The following COL4A2 variants were observed in gnomAD, a reference collection of about 807,000 sequenced individuals.
COL4A2 encodes the protein collagen type IV alpha 2 chain.
A neutral mutation model predicts 200.2 loss-of-function variants in COL4A2; 99 were observed. The observed-to-expected ratio is 0.49, with a 90% CI of 0.42 to 0.58. The LOEUF (loss-of-function observed/expected upper bound fraction) is 0.58, where lower values mean the gene tolerates loss of function less well. COL4A2 is among the 20% of genes least tolerant of loss of function. The pLI, the probability that COL4A2 is intolerant of heterozygous loss-of-function variation, is 0.00. For synonymous variants in COL4A2, 897 were observed against 900.6 expected (o/e 1.00, Z 0.07); for missense variants, 1,950 against 2,314.1 (o/e 0.84, Z 3.23).
At chr13:110,373,049 G>A (rs1878084685) in intron 4 of COL4A2, among the ~76,000 whole-genome samples, 1 of 152,210 alleles carries the variant, frequency 6.6e-6, no homozygotes, top group African/African-American at 2.4e-5. Flanking sequence ...ATATTTCTCT[G>A]AGTTGGGATG....
At chr13:110,351,853 A>G (rs1325661752) in intron 3 of COL4A2, among the ~76,000 whole-genome samples, 1 of 152,168 alleles carries the variant, frequency 6.6e-6, no homozygotes, top group Non-Finnish European at 1.5e-5. Context: ...AACTCCTTCC[A>G]TGATTTGGAA....
intron 3 of COL4A2, among the ~76,000 whole-genome samples, chr13:110,334,740 T>C (rs1221606908): frequency 6.6e-5 from 10 of 152,216 alleles, no homozygotes; most frequent in Non-Finnish European, 1.5e-4. Flanking sequence ...TAACAATGCT[T>C]TGTTTATGCA....
intron 3 of COL4A2, among the ~76,000 whole-genome samples, chr13:110,341,906 G>C (rs888658363): frequency 6.6e-6 from 1 of 152,216 alleles, no homozygotes; most frequent in Non-Finnish European, 1.5e-5. Context: ...CCGCGTTTGT[G>C]GATGTTTATA....
chr13:110,478,011 G>A lies in COL4A2; in HGVS notation c.2434G>A (p.Gly812Arg). ...GTCTCTGATTCCTGCAGGAAGCCAA[G>A]GGATGCCTGGGATGCCAGGGCTGAA... ...RGPPGFRGSQ[G>R]MPGMPGLKGQ... is the part of the protein sequence containing the mutation. The change falls in exon 30 of 48, where the codon GGG (glycine) becomes AGG (arginine). Residue 812 changes from glycine (G) to arginine (R), a missense_variant. By Grantham distance (125) the Gly-to-Arg change is moderately radical. Coordinates refer to ENST00000360467, the MANE Select transcript of COL4A2 (RefSeq NM_001846.4). 1 of 1,565,720 alleles carries A rather than the reference G, an allele frequency of 6.4e-7. No individual in the cohort carries two copies. The highest frequency in any genetic ancestry group is 8.7e-7 in the Non-Finnish European group (1 of 1,153,058).
At chr13:110,446,739 A>G (rs1881340605) in intron 17 of COL4A2, 59 bp from the exon 18 acceptor site, 1 of 1,439,650 alleles carries the variant, frequency 6.9e-7, no homozygotes, top group Non-Finnish European at 9.7e-7. Context: ...AAATATGTGT[A>G]CTGTCAAAAA....
chr13:110,496,907 G>A (rs1883478591), intron 40 of COL4A2, among the ~76,000 whole-genome samples: 1 of 149,814 alleles, frequency 6.7e-6, no homozygotes, highest in South Asian at 2.1e-4. Flanking sequence ...GAGGATCTAG[G>A]GTCAGTCCAC....
chr13:110,426,205 T>C (rs1880467081), intron 6 of COL4A2, among the ~76,000 whole-genome samples: 1 of 152,218 alleles, frequency 6.6e-6, no homozygotes, highest in South Asian at 2.1e-4. Flanking sequence ...CTCTTTGGAG[T>C]GTCTTTCAGT....
In COL4A2 at chr13:110,362,659, CA is replaced by C. The variant is rs1877570066; in HGVS notation, c.180+5108del. Among the ~76,000 whole-genome samples, 3 of 152,258 alleles carry C rather than the reference CA, an allele frequency of 2.0e-5. No individual in the cohort carries two copies. In the South Asian group the frequency reaches 6.2e-4, roughly 32 times the overall value. On this transcript the variant is annotated intron_variant, in intron 4 of 47. Coordinates refer to ENST00000360467, the MANE Select transcript of COL4A2 (RefSeq NM_001846.4). ...CTCTTTTCAGTTTTCTTTCTTTATA[CA>C]CCATGGAGATGGAAGGCAGTTGAAT...
At chr13:110,344,233 T>C (rs1876601207) in intron 3 of COL4A2, among the ~76,000 whole-genome samples, 1 of 152,342 alleles carries the variant, frequency 6.6e-6, no homozygotes, top group Non-Finnish European at 1.5e-5. Flanking sequence ...GATGGCCTCT[T>C]GAACAAGAGT....
rs571190649 is a variant in COL4A2 at position 110,411,454 on chromosome 13, C to CT, written c.181-13276dup. Reference sequence around the variant, plus strand: ...AGCTCCAGGGGCCTCCTCTGCATACCTTTTGACCAGCATTGCTAAAAAGTA... The same window carrying CT: ...AGCTCCAGGGGCCTCCTCTGCATACCTTTTTGACCAGCATTGCTAAAAAGTA... On this transcript the variant is annotated intron_variant, in intron 4 of 47. Transcript: ENST00000360467. Among the ~76,000 whole-genome samples, 210 of 152,262 alleles carry CT rather than the reference C, an allele frequency of 1.4e-3. 1 individual carries two copies. The highest frequency in any genetic ancestry group is 4.7e-3 in the African/African-American group (194 of 41,534).
chr13:110,445,767 G>A, intron 16 of COL4A2, 62 bp from the exon 17 acceptor site: 3 of 1,577,000 alleles, frequency 1.9e-6, no homozygotes, highest in Non-Finnish European at 2.6e-6. Flanking sequence ...TAATGCCATT[G>A]CAGTCCCTTT....
chr13:110,399,115 G>A (rs1298352145), intron 4 of COL4A2, among the ~76,000 whole-genome samples: 1 of 152,132 alleles, frequency 6.6e-6, no homozygotes, highest in Admixed American at 6.6e-5. Context: ...GCAGGTCAAA[G>A]GAATGAAAGG....
At chr13:110,455,516 A>G (rs9559803) in intron 20 of COL4A2, among the ~76,000 whole-genome samples, 45,102 of 151,914 alleles carry the variant, frequency 0.3, 7,441 homozygotes, top group South Asian at 0.39. Flanking sequence ...GAAAATCCGC[A>G]TTAGTGTGTT....
At chr13:110,378,853 A>G (rs1162055750) in intron 4 of COL4A2, among the ~76,000 whole-genome samples, 1 of 152,028 alleles carries the variant, frequency 6.6e-6, no homozygotes, top group Non-Finnish European at 1.5e-5. Flanking sequence ...CTTCTCCACA[A>G]TGTGATCATG....
At chr13:110,427,644 G>A (rs188457936) in intron 6 of COL4A2, among the ~76,000 whole-genome samples, 280 of 152,280 alleles carry the variant, frequency 1.8e-3, no homozygotes, top group African/African-American at 6.4e-3. Context: ...ACAGGCTGTG[G>A]CCAGGTACTG....
intron 4 of COL4A2, among the ~76,000 whole-genome samples, chr13:110,386,442 C>T (rs1878754803): frequency 6.6e-6 from 1 of 152,292 alleles, no homozygotes; most frequent in East Asian, 1.9e-4. Context: ...AACCCCACTC[C>T]AATCTCAGCC....
chr13:110,462,449 C>G (rs1768578861), intron 24 of COL4A2, 65 bp downstream of exon 24: 1 of 1,540,650 alleles, frequency 6.5e-7, no homozygotes, highest in East Asian at 2.3e-5. Flanking sequence ...CTCCAAACAC[C>G]CCAGAAGCAA....
At chr13:110,397,044 C>T (rs1297923969) in intron 4 of COL4A2, among the ~76,000 whole-genome samples, 2 of 152,318 alleles carry the variant, frequency 1.3e-5, no homozygotes, top group African/African-American at 4.8e-5. Context: ...TCACAGCCTG[C>T]TACCATCCTT....
chr13:110,400,822 A>C (rs968250275), intron 4 of COL4A2, among the ~76,000 whole-genome samples: 10 of 152,336 alleles, frequency 6.6e-5, no homozygotes, highest in Admixed American at 1.3e-4. Context: ...AGGAAGGCTC[A>C]TGAGTTGACT....
Sources: gnomAD v4.1 joint callset for allele counts (sites outside exome capture counted in the v4.1 genomes callset) on GRCh38, gnomAD v4.1.1 for gene constraint, MANE v1.5 for transcripts, NCBI Gene and HGNC (gene_info 2026-07-23, HGNC 2026-07-21) for gene names.